TRIM24: variants seen among roughly 807,000 people sequenced by gnomAD.
TRIM24 encodes the protein transcription intermediary factor 1-alpha.
Under a neutral mutation model 123.9 loss-of-function variants are expected in TRIM24, and 29 were observed. The ratio of observed to expected loss-of-function variants is 0.23; its 90% confidence interval spans 0.17 to 0.32. TRIM24 has a LOEUF of 0.32. Among genes scored for constraint, TRIM24 ranks in the 10% least tolerant of loss-of-function variants. The pLI is 1.00. For missense variants in TRIM24, 932 were observed against 1,295.3 expected (o/e 0.72, Z 4.31); for synonymous variants, 456 against 461.1 (o/e 0.99, Z 0.14).
intron 1 of TRIM24, among the ~76,000 whole-genome samples, chr7:138,500,376 A>G (rs1293910953): frequency 6.6e-6 from 1 of 151,968 alleles, no homozygotes. Context: ...CCTGGACAAC[A>G]TAGTGAAACC....
chr7:138,495,692 C>T (rs370734666), intron 1 of TRIM24, among the ~76,000 whole-genome samples: 6 of 152,200 alleles, frequency 3.9e-5, no homozygotes, highest in East Asian at 3.9e-4. Flanking sequence ...AAGCAATCCT[C>T]CTGCTTCAGC....
At position 138,515,431 on chromosome 7, in the gene TRIM24, G is replaced by A. The variant is rs112876412; in HGVS notation, c.631+72G>A. ...CTTTTCTTCCTTCCTGTATTGACTTGTTTTGACACATTTGTTTTGATAAGT... is the reference window on the plus strand; with the variant it reads ...CTTTTCTTCCTTCCTGTATTGACTTATTTTGACACATTTGTTTTGATAAGT... On this transcript the variant is annotated intron_variant, in intron 3 of 18. Coordinates refer to ENST00000343526, the MANE Select transcript of TRIM24 (RefSeq NM_015905.3). 73 of 1,519,730 alleles carry A rather than the reference G, an allele frequency of 4.8e-5. No individual in the cohort carries two copies. In the African/African-American group the frequency reaches 7.5e-4, roughly 16 times the overall value. The allele number at this position is 1,519,730 out of a possible 1,614,324, so 94.1% of individuals were successfully genotyped here.
intron 1 of TRIM24, among the ~76,000 whole-genome samples, chr7:138,495,920 T>C (rs536310467): frequency 6.6e-6 from 1 of 152,342 alleles, no homozygotes; most frequent in East Asian, 1.9e-4. Context: ...TCGATATGTA[T>C]ATGTCTGTTT....
At chr7:138,527,456 C>G (rs1314575563) in intron 5 of TRIM24, among the ~76,000 whole-genome samples, 1 of 151,968 alleles carries the variant, frequency 6.6e-6, no homozygotes, top group Non-Finnish European at 1.5e-5. Context: ...TGCATTTGAC[C>G]CCATGGCACT....
rs1188891085 is a variant in TRIM24 at position 138,587,920 on chromosome 7, T to A, written c.*2969T>A. The A allele has an allele frequency of 6.6e-6, 1 of 152,228 alleles. No homozygotes were observed. The highest frequency in any genetic ancestry group is 2.4e-5 in the African/African-American group (1 of 41,464). The allele number at this position is 152,228 out of a possible 1,614,324, so 9.4% of individuals were successfully genotyped here. A position where few individuals can be genotyped will look rare whatever the true frequency, so the allele number is the denominator to read the frequency against. On this transcript the variant is annotated 3_prime_UTR_variant, in exon 19 of 19. Coordinates refer to ENST00000343526, the MANE Select transcript of TRIM24 (RefSeq NM_015905.3). ...AGATCGGTATCTGGCATTGTAATCA[T>A]TTTGTCTTTTGAATTAACATGCCCT... is the stretch of plus-strand genomic sequence containing the variant.
chr7:138,508,686 T>TGCGCGCGCGCGTGCGTGC (rs1168887347), intron 2 of TRIM24, among the ~76,000 whole-genome samples: 1 of 85,948 alleles, frequency 1.2e-5, no homozygotes, highest in African/African-American at 5.3e-5. Flanking sequence ...TGTGTGTGTG[T>TGCGCGCGCGCGTGCGTGC]GTGTGTGCGC....
intron 8 of TRIM24, among the ~76,000 whole-genome samples, chr7:138,551,555 A>T (rs1797213500): frequency 6.6e-6 from 1 of 152,248 alleles, no homozygotes; most frequent in African/African-American, 2.4e-5. Flanking sequence ...ACGTATGTAT[A>T]TGGTAACAAA....
intron 8 of TRIM24, among the ~76,000 whole-genome samples, chr7:138,553,121 G>T (rs187283942): frequency 2.0e-5 from 3 of 152,148 alleles, no homozygotes; most frequent in Non-Finnish European, 2.9e-5. Flanking sequence ...TTGTGAAACC[G>T]ACATAATGAA....
intron 9 of TRIM24, among the ~76,000 whole-genome samples, chr7:138,562,056 T>G (rs1273609099): frequency 6.6e-6 from 1 of 152,192 alleles, no homozygotes; most frequent in Non-Finnish European, 1.5e-5. Context: ...TATTGGACTC[T>G]CCTGGAGCAG....
intron 6 of TRIM24, among the ~76,000 whole-genome samples, chr7:138,535,472 T>C (rs1389829650): frequency 6.6e-6 from 1 of 152,220 alleles, no homozygotes. Flanking sequence ...CCTTCACTTA[T>C]GAAGCTTAGT....
chr7:138,465,652 A>G (rs1285908294), intron 1 of TRIM24, among the ~76,000 whole-genome samples: 2 of 152,194 alleles, frequency 1.3e-5, no homozygotes, highest in African/African-American at 4.8e-5. Flanking sequence ...GGCAAAAAGT[A>G]TAAATCATCT....
chr7:138,476,628 G>A (rs1795407885), intron 1 of TRIM24, among the ~76,000 whole-genome samples: 2 of 151,914 alleles, frequency 1.3e-5, no homozygotes, highest in South Asian at 4.2e-4. Context: ...CCCAAAATAG[G>A]TACAGCATTA....
intron 4 of TRIM24, among the ~76,000 whole-genome samples, chr7:138,522,453 A>G (rs1414358510): frequency 2.6e-5 from 4 of 152,210 alleles, no homozygotes; most frequent in African/African-American, 4.8e-5. Flanking sequence ...TTAACTGACC[A>G]TATGCTAAAG....
intron 1 of TRIM24, chr7:138,461,366 G>A (rs1256976836): frequency 9.8e-6 from 4 of 408,424 alleles, no homozygotes; most frequent in Non-Finnish European, 1.9e-5. Flanking sequence ...GAGAAGGGAG[G>A]GATGAAGATG....
chr7:138,564,789 C>A (rs1342141596), intron 9 of TRIM24, among the ~76,000 whole-genome samples: 1 of 152,186 alleles, frequency 6.6e-6, no homozygotes, highest in East Asian at 1.9e-4. Context: ...AGTTCTCAAC[C>A]TCTGAGGGGT....
chr7:138,546,204 C>T (rs1408573277), intron 7 of TRIM24, among the ~76,000 whole-genome samples: 1 of 152,176 alleles, frequency 6.6e-6, no homozygotes, highest in Non-Finnish European at 1.5e-5. Flanking sequence ...TCCTACGTTT[C>T]CTGGCACGTC....
In TRIM24 at chr7:138,585,156, A is replaced by G. The variant is rs11983193; in HGVS notation, c.*205A>G. ...AAAGAAAGGAAAGAAGGAGATGAATAGAAGAAAGAAAATGGAAAGAAGGAA... is the reference window on the plus strand; with the variant it reads ...AAAGAAAGGAAAGAAGGAGATGAATGGAAGAAAGAAAATGGAAAGAAGGAA... On this transcript the variant is annotated 3_prime_UTR_variant, in exon 19 of 19. Transcript: ENST00000343526. The G allele has an allele frequency of 0.02, 7,762 of 390,662 alleles. 480 individuals carry two copies. Among genetic ancestry groups the G allele is most frequent in the African/African-American group, 0.14 (6,768 of 48,102 alleles). The allele number at this position is 390,662 out of a possible 1,614,324, so 24.2% of individuals were successfully genotyped here. A position where few individuals can be genotyped will look rare whatever the true frequency, so the allele number is the denominator to read the frequency against.
rs75776820 is a variant in TRIM24, at chr7:138,479,179, T to C, written c.364+18267T>C. 1.0e-3 allele frequency among the ~76,000 whole-genome samples: 153 copies of C among 152,224 alleles called. 1 individual carries two copies. In the East Asian group the frequency reaches 0.028, roughly 27 times the overall value. ...GGTCTCCCCACCATGAACTGAAAACTTAGGATGCTTAAGCTTTTCAAAAAG... is the reference window on the plus strand; with the variant it reads ...GGTCTCCCCACCATGAACTGAAAACCTAGGATGCTTAAGCTTTTCAAAAAG... On this transcript the variant is annotated intron_variant, in intron 1 of 18. Coordinates refer to ENST00000343526, the MANE Select transcript of TRIM24 (RefSeq NM_015905.3).
intron 1 of TRIM24, among the ~76,000 whole-genome samples, chr7:138,502,884 T>C (rs776757001): frequency 2.0e-5 from 3 of 152,222 alleles, no homozygotes; most frequent in Non-Finnish European, 4.4e-5. Context: ...ATCTTTCCCT[T>C]ATAGCTCTTG....
Sources: gnomAD v4.1 joint callset for allele counts (sites outside exome capture counted in the v4.1 genomes callset) on GRCh38, gnomAD v4.1.1 for gene constraint, MANE v1.5 for transcripts, NCBI Gene and HGNC (gene_info 2026-07-23, HGNC 2026-07-21) for gene names.